Variants in PCDH7 observed in about 807,000 individuals in gnomAD.
The protein encoded by PCDH7 is protocadherin 7.
PCDH7 carries 17 observed loss-of-function variants against 58.9 expected under a neutral mutation model. That is an observed-to-expected ratio of 0.29 (90% CI 0.20 to 0.43). The LOEUF (loss-of-function observed/expected upper bound fraction) is 0.43. Ranked by LOEUF, PCDH7 falls within the 20% of genes least tolerant of loss-of-function variation. The pLI is 1.00. For missense variants in PCDH7, 1,274 were observed against 1,441.0 expected (o/e 0.88, Z 1.88); for synonymous variants, 664 against 616.4 (o/e 1.08, Z -1.14).
intron 3 of PCDH7, among the ~76,000 whole-genome samples, chr4:31,004,442 G>A (rs1015171602): frequency 7.2e-5 from 11 of 152,162 alleles, no homozygotes; most frequent in African/African-American, 2.2e-4. Flanking sequence ...GGGCGTGGTG[G>A]CTTACACCTG....
At chr4:30,798,334 T>A (rs1454818056) in intron 1 of PCDH7, among the ~76,000 whole-genome samples, 4 of 152,136 alleles carry the variant, frequency 2.6e-5, no homozygotes, top group Admixed American at 6.5e-5. Context: ...CCTAAATATA[T>A]CTGGGTTGTA....
At chr4:30,972,701 A>G (rs1749699756) in intron 3 of PCDH7, among the ~76,000 whole-genome samples, 1 of 152,140 alleles carries the variant, frequency 6.6e-6, no homozygotes, top group Admixed American at 6.5e-5. Flanking sequence ...CACTGACCTC[A>G]CCCACATCGC....
intron 1 of PCDH7, among the ~76,000 whole-genome samples, chr4:30,844,777 G>T (rs1731691236): frequency 1.3e-5 from 2 of 152,158 alleles, no homozygotes; most frequent in African/African-American, 4.8e-5. Context: ...ATTGGAAAGA[G>T]AGCAGATTAA....
chr4:31,134,190 G>A (rs1365261204), intron 3 of PCDH7, among the ~76,000 whole-genome samples: 2 of 152,084 alleles, frequency 1.3e-5, no homozygotes, highest in Admixed American at 1.3e-4. Flanking sequence ...GGCCAGGCAC[G>A]GTGGCTCATG....
intron 3 of PCDH7, among the ~76,000 whole-genome samples, chr4:30,977,941 G>T (rs114196849): frequency 0.01 from 1,534 of 152,280 alleles, 10 homozygotes; most frequent in Middle Eastern, 0.024. Context: ...ATATAGTGAT[G>T]CAGAGATGCA....
At position 30,920,093 on chromosome 4, in the gene PCDH7, T is replaced by A. The variant is rs538216888; in HGVS notation, c.71-60T>A. The A allele has an allele frequency of 2.4e-4, 303 of 1,245,970 alleles. 1 individual carries two copies. The highest frequency in any genetic ancestry group is 7.5e-4 in the East Asian group (15 of 19,970). 77.2% of individuals were successfully genotyped at this position (1,245,970 alleles called of 1,614,324 possible). A position where few individuals can be genotyped will look rare whatever the true frequency, so the allele number is the denominator to read the frequency against. The stretch of plus-strand genomic sequence containing the variant: ...TAATGTATGTAATTTATGTATTTTT[T>A]AAAATAAGATCATTTACAATCTTAC... On this transcript the variant is annotated intron_variant, in intron 1 of 3. Transcript: ENST00000509759.
chr4:31,002,701 T>A (rs1752448633), intron 3 of PCDH7, among the ~76,000 whole-genome samples: 1 of 152,204 alleles, frequency 6.6e-6, no homozygotes, highest in African/African-American at 2.4e-5. Flanking sequence ...CATGAAATAA[T>A]TATTGCTTGA....
At chr4:30,956,108 G>T (rs2109453511) in intron 3 of PCDH7, among the ~76,000 whole-genome samples, 1 of 151,884 alleles carries the variant, frequency 6.6e-6, no homozygotes, top group South Asian at 2.1e-4. Context: ...CAGCTATTAG[G>T]GAGGCTGAGG....
intron 1 of PCDH7, among the ~76,000 whole-genome samples, chr4:30,864,165 T>C (rs1028464913): frequency 7.9e-5 from 12 of 152,062 alleles, no homozygotes; most frequent in African/African-American, 2.9e-4. Flanking sequence ...CATTCATTTA[T>C]ATGTTTATTC....
rs191422940 is a variant in PCDH7 at position 30,837,165 on chromosome 4, G to T, written c.71-82988G>T. On this transcript the variant is annotated intron_variant, in intron 1 of 3. Coordinates refer to the PCDH7 transcript ENST00000509759. ...ATAAGTAGTGTAACAAAGATTTCAG[G>T]AGCAAATATGCACCAAAGCACTGGA... is the stretch of plus-strand genomic sequence containing the variant. Among the ~76,000 whole-genome samples, 700 of 151,994 alleles carry T rather than the reference G, an allele frequency of 4.6e-3. 4 individuals carry two copies. Among genetic ancestry groups the T allele is most frequent in the Non-Finnish European group, 7.1e-3 (480 of 67,994 alleles).
At chr4:30,730,676 T>C (rs371737513) in intron 1 of PCDH7, 52 of 1,045,178 alleles carry the variant, frequency 5.0e-5, no homozygotes, top group African/African-American at 4.2e-4. Context: ...AGCTTTCCAA[T>C]TGGGCATAAG....
chr4:30,769,492 A>C (rs77138697), intron 1 of PCDH7, among the ~76,000 whole-genome samples: 1 of 152,288 alleles, frequency 6.6e-6, no homozygotes, highest in Non-Finnish European at 1.5e-5. Flanking sequence ...GTAGAGACTA[A>C]AGATGAAATT....
intron 1 of PCDH7, among the ~76,000 whole-genome samples, chr4:30,880,018 C>T (rs1485502832): frequency 4.6e-5 from 7 of 152,014 alleles, no homozygotes; most frequent in Admixed American, 4.6e-4. Context: ...ACTTCATAAC[C>T]CAATGTTTGG....
At chr4:31,087,265 T>C (rs1712567552) in intron 3 of PCDH7, among the ~76,000 whole-genome samples, 1 of 152,162 alleles carries the variant, frequency 6.6e-6, no homozygotes, top group Admixed American at 6.6e-5. Context: ...CTGCACCTTT[T>C]TTTCACACTT....
At chr4:31,099,870 T>C (rs1346559412) in intron 3 of PCDH7, among the ~76,000 whole-genome samples, 2 of 152,160 alleles carry the variant, frequency 1.3e-5, no homozygotes, top group African/African-American at 2.4e-5. Context: ...TGTGGTTATA[T>C]TTGCATATAC....
rs10692198 is a variant in PCDH7, at chr4:30,765,125, C to CTTT, written c.70+40553_70+40555dup. Among the ~76,000 whole-genome samples the CTTT allele has an allele frequency of 2.6e-3, 126 of 49,206 alleles. 17 individuals carry two copies. The highest frequency in any genetic ancestry group is 8.7e-3 in the African/African-American group (116 of 13,264). 32.3% of individuals were successfully genotyped at this position (49,206 alleles called of 152,430 possible). On this transcript the variant is annotated intron_variant, in intron 1 of 3. Transcript: ENST00000509759. The stretch of plus-strand genomic sequence containing the variant: ...GGAAAGAGAGATAGGACTTCAGATG[C>CTTT]TTTTTTTTTTTTTTTTTTTTTTTTT...
intron 1 of PCDH7, among the ~76,000 whole-genome samples, chr4:30,904,525 C>T (rs935002712): frequency 6.6e-6 from 1 of 152,164 alleles, no homozygotes; most frequent in African/African-American, 2.4e-5. Context: ...AACTGCATTT[C>T]GTCTGCAACC....
At chr4:31,141,656 T>A (rs1290790211) in intron 3 of PCDH7, among the ~76,000 whole-genome samples, 2 of 152,240 alleles carry the variant, frequency 1.3e-5, no homozygotes, top group Non-Finnish European at 2.9e-5. Flanking sequence ...GTAAAAGTCA[T>A]TTCCCATTCC....
At chr4:31,037,654 T>G (rs1159151326) in intron 3 of PCDH7, among the ~76,000 whole-genome samples, 1 of 152,216 alleles carries the variant, frequency 6.6e-6, no homozygotes, top group African/African-American at 2.4e-5. Flanking sequence ...TTGGGAATAT[T>G]TTACCTTCTC....
Sources: gnomAD v4.1 joint callset for allele counts (sites outside exome capture counted in the v4.1 genomes callset) on GRCh38, gnomAD v4.1.1 for gene constraint, MANE v1.5 for transcripts, NCBI Gene and HGNC (gene_info 2026-07-23, HGNC 2026-07-21) for gene names.